Variants in CALHM3 observed in about 807,000 individuals in gnomAD.
CALHM3 encodes calcium homeostasis modulator protein 3.
In CALHM3, 9 loss-of-function variants were observed where a neutral mutation model predicts 13.6. That is an observed-to-expected ratio of 0.66 (90% confidence interval 0.40 to 1.15). The LOEUF (loss-of-function observed/expected upper bound fraction) is 1.15. CALHM3 is among the 50% of genes most tolerant of loss of function. CALHM3 has a pLI of 0.01. For missense variants in CALHM3, 497 were observed against 463.4 expected (o/e 1.07, Z -0.67); for synonymous variants, 231 against 213.2 (o/e 1.08, Z -0.73).
chr10:103,476,461 A>G lies in CALHM3; in HGVS notation c.376T>C (p.Cys126Arg), dbSNP rs1423048261. 6.4e-7 allele frequency: 1 copy of G among 1,551,694 alleles called. No homozygotes were observed. The highest frequency in any genetic ancestry group is 1.2e-5 in the South Asian group (1 of 84,060). The part of the protein sequence containing the change: ...LALLDGKCFV[C>R]AFSSSVDPEK... Reference sequence around the variant, plus strand: ...GGGTCCACAGAGCTGCTGAAGGCACACACGAAGCACTTCCCGTCAAGGAGG... The same window carrying G: ...GGGTCCACAGAGCTGCTGAAGGCACGCACGAAGCACTTCCCGTCAAGGAGG... Residue 126 changes from cysteine to arginine, a missense_variant, in exon 2 of 3, where the codon TGT becomes CGT. Physicochemically the swap from Cys to Arg is radical, Grantham distance 180. Transcript: ENST00000369783.
rs751696710 is a variant in CALHM3, at chr10:103,476,359, C to T, written c.478G>A (p.Asp160Asn). The change falls in exon 2 of 3, where the codon GAT (aspartate) becomes AAT (asparagine). Residue 160 changes from aspartate to asparagine, a missense_variant. Physicochemically the swap from Asp to Asn is conservative, Grantham distance 23. Transcript: ENST00000369783. ...LFLAKVPCKE[D>N]ELVRDSPARK... The stretch of plus-strand genomic sequence containing the variant: ...GCAGGGCTATCCCTGACCAGCTCAT[C>T]CTCCTTGCAGGGAACCTTGGCCAGG... The T allele has an allele frequency of 3.2e-6, 5 of 1,551,754 alleles. No individual in the cohort carries two copies. Among genetic ancestry groups the T allele is most frequent in the Non-Finnish European group, 4.4e-6 (5 of 1,147,014 alleles).
At chr10:103,473,750 C>A in intron 2 of CALHM3, 46 bp from the exon 3 acceptor site, 1 of 1,484,880 alleles carries the variant, frequency 6.7e-7, no homozygotes, top group South Asian at 1.3e-5. Flanking sequence ...GGGGCCTAAT[C>A]CTATATACAT....
chr10:103,473,652 C>T lies in CALHM3; in HGVS notation c.596G>A (p.Arg199His), dbSNP rs964092671. Residue 199 changes from arginine to histidine, a missense_variant, in exon 3 of 3, where the codon CGC becomes CAC. Transcript: ENST00000369783. ...LLLIIAAFLA[R>H]CLRPCFDQTV... ...CTGGTCGAAGCAGGGCCTCAGGCAG[C>T]GGGCCAGGAAGGCCGCGATGATCAG... is the stretch of plus-strand genomic sequence containing the variant. 1.3e-6 allele frequency: 2 copies of T among 1,550,686 alleles called. No homozygotes were observed. Among genetic ancestry groups the T allele is most frequent in the South Asian group, 1.2e-5 (1 of 84,062 alleles).
Position 103,473,590 on chromosome 10 carries a change from C to T in CALHM3, c.658G>A (p.Val220Met), listed in dbSNP as rs966954453. ...TCGAAGAGCTTCTGCTCCAGGTCCACGTAGTTGCTCCAGTATCTGCGCTGC... is the reference window on the plus strand; with the variant it reads ...TCGAAGAGCTTCTGCTCCAGGTCCATGTAGTTGCTCCAGTATCTGCGCTGC... ...FLQRRYWSNY[V>M]DLEQKLFDET... The change falls in exon 3 of 3, where the codon GTG becomes ATG. Residue 220 changes from valine to methionine, a missense_variant. By Grantham distance (21) the Val-to-Met change is conservative (BLOSUM62 1). Coordinates refer to ENST00000369783, the MANE Select transcript of CALHM3 (RefSeq NM_001129742.2). The T allele has an allele frequency of 1.9e-6, 3 of 1,551,256 alleles. No homozygotes were observed. Among genetic ancestry groups the T allele is most frequent in the African/African-American group, 1.4e-5 (1 of 73,070 alleles).
Position 103,473,506 on chromosome 10 carries a change from C to T in CALHM3, c.742G>A (p.Ala248Thr), listed in dbSNP as rs1441752052. Residue 248 changes from alanine (A) to threonine (T), a missense_variant, in exon 3 of 3, where the codon GCC becomes ACC. Physicochemically the swap from Ala to Thr is moderately conservative, Grantham distance 58. Transcript: ENST00000369783. ...FAHRCVLHFF[A>T]SMRSELQARG... Reference sequence around the variant, plus strand: ...GCCTGCAGCTCACTCCGCATGCTGGCAAAGAAGTGCAGCACGCAGCGGTGC... The same window carrying T: ...GCCTGCAGCTCACTCCGCATGCTGGTAAAGAAGTGCAGCACGCAGCGGTGC... 9.0e-6 allele frequency: 14 copies of T among 1,550,848 alleles called. No individual in the cohort carries two copies. The highest frequency in any genetic ancestry group is 2.7e-5 in the African/African-American group (2 of 73,058).
At position 103,479,106 on chromosome 10, in the gene CALHM3, G is replaced by C; in HGVS notation, c.-74C>G. On this transcript the variant is annotated 5_prime_UTR_variant, in exon 1 of 3. Transcript: ENST00000369783. Reference sequence around the variant, plus strand: ...TCTGGCCACCTTCCTGGTGTCTGCTGTGCTGGGGACGAGCCTGGGATCTGC... The same window carrying C: ...TCTGGCCACCTTCCTGGTGTCTGCTCTGCTGGGGACGAGCCTGGGATCTGC... The C allele has an allele frequency of 1.4e-6, 2 of 1,454,202 alleles. No individual in the cohort carries two copies. Among genetic ancestry groups the C allele is most frequent in the Non-Finnish European group, 1.8e-6 (2 of 1,083,504 alleles). 90.1% of individuals were successfully genotyped at this position (1,454,202 alleles called of 1,614,324 possible). A position where few individuals can be genotyped will look rare whatever the true frequency, so the allele number is the denominator to read the frequency against.
intron 2 of CALHM3, among the ~76,000 whole-genome samples, chr10:103,474,968 G>T (rs2033373000): frequency 1.3e-5 from 2 of 152,186 alleles, no homozygotes; most frequent in South Asian, 4.1e-4. Flanking sequence ...GGAGTCCAGA[G>T]GAGGGACACC....
intron 2 of CALHM3, among the ~76,000 whole-genome samples, chr10:103,474,808 A>G (rs752345920): frequency 5.9e-5 from 9 of 152,104 alleles, no homozygotes; most frequent in East Asian, 1.9e-4. Flanking sequence ...TTATCTGTCT[A>G]TCTTCCCATT....
rs2033347398 is a variant in CALHM3 at position 103,473,420 on chromosome 10, G to GGGCTCAGGCACTGCGGGA, written c.827_828insTCCCGCAGTGCCTGAGCC (p.Ala272_Pro277dup). ...CACTTCCACTATCCAGGCCTTCTGG[G>GGGCTCAGGCACTGCGGGA]GGCTCAGGCACTGCGGGGAGCTCGA... On this transcript the variant is annotated inframe_insertion, in exon 3 of 3. Transcript: ENST00000369783. 6.6e-7 allele frequency: 1 copy of GGGCTCAGGCACTGCGGGA among 1,519,376 alleles called. No homozygotes were observed. The highest frequency in any genetic ancestry group is 1.4e-5 in the African/African-American group (1 of 72,542). The allele number at this position is 1,519,376 out of a possible 1,614,324, so 94.1% of individuals were successfully genotyped here.
In CALHM3 at chr10:103,476,791, T is replaced by A. The variant is rs1011817451; in HGVS notation, c.288-242A>T. The stretch of plus-strand genomic sequence containing the variant: ...TAGGCCTTACAGCAGACACTGCTGG[T>A]GCCCTGCCCATGCCAGAGGCATCTG... On this transcript the variant is annotated intron_variant, in intron 1 of 2. Coordinates refer to ENST00000369783, the MANE Select transcript of CALHM3 (RefSeq NM_001129742.2). Among the ~76,000 whole-genome samples the A allele has an allele frequency of 7.2e-5, 11 of 152,230 alleles. 1 individual carries two copies. The highest frequency in any genetic ancestry group is 1.5e-4 in the Non-Finnish European group (10 of 68,026).
Position 103,478,908 on chromosome 10 carries a change from G to C in CALHM3, c.125C>G (p.Pro42Arg). ...KLYSSFDFNCPCLVHYNALYG... is the reference protein window; with the variant it reads ...KLYSSFDFNCRCLVHYNALYG... ...GAGTGCATTGTAGTGCACCAGGCAG[G>C]GACAGTTGAAGTCAAAGGAGGAGTA... Residue 42 changes from proline to arginine, a missense_variant, in exon 1 of 3, where the codon CCC becomes CGC. Pro to Arg is a moderately radical substitution (Grantham distance 103). Coordinates refer to ENST00000369783, the MANE Select transcript of CALHM3 (RefSeq NM_001129742.2). 1 of 1,551,774 alleles carries C rather than the reference G, an allele frequency of 6.4e-7. No homozygotes were observed. The highest frequency in any genetic ancestry group is 8.7e-7 in the Non-Finnish European group (1 of 1,147,010).
At position 103,476,332 on chromosome 10, in the gene CALHM3, G is replaced by A. The variant is rs1175227000; in HGVS notation, c.505C>T (p.Arg169Trp). 12 of 1,551,488 alleles carry A rather than the reference G, an allele frequency of 7.7e-6. No homozygotes were observed. The highest frequency in any genetic ancestry group is 3.9e-5 in the Admixed American group (2 of 50,988). Residue 169 changes from arginine (R) to tryptophan (W), a missense_variant, in exon 2 of 3, where the codon CGG (arginine) becomes TGG (tryptophan). By Grantham distance (101) the Arg-to-Trp change is moderately radical. Coordinates refer to ENST00000369783, the MANE Select transcript of CALHM3 (RefSeq NM_001129742.2). ...EDELVRDSPA[R>W]KAVSRYLRCL... ...CGCAGGTAGCGAGACACTGCCTTCC[G>A]AGCAGGGCTATCCCTGACCAGCTCA... is the stretch of plus-strand genomic sequence containing the variant.
chr10:103,473,475 C>A lies in CALHM3; in HGVS notation c.773G>T (p.Gly258Val), dbSNP rs1350585097. The part of the protein sequence containing the change: ...ASMRSELQAR[G>V]LRRGNAGRRL... ...CCTGCCTGCATTGCCCCGGCGCAGC[C>A]CCCGCGCCTGCAGCTCACTCCGCAT... The change falls in exon 3 of 3, where the codon GGG (glycine) becomes GTG (valine). Residue 258 changes from glycine to valine, a missense_variant. Transcript: ENST00000369783. The A allele has an allele frequency of 2.6e-6, 4 of 1,548,428 alleles. No homozygotes were observed. Among genetic ancestry groups the A allele is most frequent in the South Asian group, 2.4e-5 (2 of 83,712 alleles).
chr10:103,477,151 A>T (rs1383937442), intron 1 of CALHM3, among the ~76,000 whole-genome samples: 1 of 152,140 alleles, frequency 6.6e-6, no homozygotes, highest in East Asian at 1.9e-4. Flanking sequence ...AAGCTAAGAC[A>T]GCCCTGCCCA....
rs780443545 is a variant in CALHM3, at chr10:103,478,982, C to T, written c.51G>A (p.Ser17=). The stretch of plus-strand genomic sequence containing the variant: ...GCAGCAGGCAGATGCCATTCATCAC[C>T]GACTCCGAGCTTGACTGGAAGTGCT... ...LFQHFQSSSE[S]VMNGICLLLA... The change falls in exon 1 of 3, where the codon TCG becomes TCA. Residue 17 remains serine, a synonymous_variant. Coordinates refer to ENST00000369783, the MANE Select transcript of CALHM3 (RefSeq NM_001129742.2). The T allele has an allele frequency of 1.2e-5, 18 of 1,551,530 alleles. No homozygotes were observed. In the East Asian group the frequency reaches 2.9e-4, roughly 25 times the overall value.
chr10:103,476,171 C>T, intron 2 of CALHM3, 123 bp downstream of exon 2: 1 of 1,366,288 alleles, frequency 7.3e-7, no homozygotes, highest in African/African-American at 1.4e-5. Flanking sequence ...CAGCACTTCC[C>T]TGCCTCCTGG....
rs756606127 is a variant in CALHM3, at chr10:103,478,961, C to T, written c.72G>A (p.Leu24=). ...GCTTGACGGTGACCGCAGCCAGCAG[C>T]AGGCAGATGCCATTCATCACCGACT... ...SSESVMNGIC[L]LLAAVTVKLY... is the part of the protein sequence containing the mutation. Residue 24 remains leucine, a synonymous_variant, in exon 1 of 3, where the codon CTG becomes CTA. Coordinates refer to ENST00000369783, the MANE Select transcript of CALHM3 (RefSeq NM_001129742.2). 6.4e-7 allele frequency: 1 copy of T among 1,551,718 alleles called. No homozygotes were observed. Among genetic ancestry groups the T allele is most frequent in the South Asian group, 1.2e-5 (1 of 84,066 alleles).
rs2033348093 is a variant in CALHM3 at position 103,473,433 on chromosome 10, G to C, written c.815C>G (p.Ala272Gly). The change falls in exon 3 of 3, where the codon GCA becomes GGA. Residue 272 changes from alanine (A) to glycine (G), a missense_variant. Physicochemically the swap from Ala to Gly is moderately conservative, Grantham distance 60. Transcript: ENST00000369783. ...CAGGCCTTCTGGGGGCTCAGGCACTGCGGGGAGCTCGAGTCTCCTGCCTGC... is the reference window on the plus strand; with the variant it reads ...CAGGCCTTCTGGGGGCTCAGGCACTCCGGGGAGCTCGAGTCTCCTGCCTGC... ...GNAGRRLELP[A>G]VPEPPEGLDS... is the part of the protein sequence containing the mutation. The C allele has an allele frequency of 1.3e-6, 2 of 1,529,332 alleles. No individual in the cohort carries two copies. The highest frequency in any genetic ancestry group is 4.9e-5 in the East Asian group (2 of 40,652). 94.7% of individuals were successfully genotyped at this position (1,529,332 alleles called of 1,614,324 possible).
intron 1 of CALHM3, among the ~76,000 whole-genome samples, chr10:103,478,468 G>A (rs1020683007): frequency 2.0e-5 from 3 of 152,188 alleles, no homozygotes; most frequent in African/African-American, 7.2e-5. Flanking sequence ...TGGGAATCCT[G>A]TGTCATTCCT....
Sources: allele counts gnomAD v4.1 joint callset (sites outside exome capture counted in the v4.1 genomes callset), GRCh38; gene constraint gnomAD v4.1.1; transcripts MANE v1.5; gene names NCBI Gene and HGNC (gene_info 2026-07-23, HGNC 2026-07-21).